The following PEBP4 variants were observed in gnomAD, a reference collection of about 807,000 sequenced individuals.
The protein encoded by PEBP4 is phosphatidylethanolamine binding protein 4, also known as phosphatidylethanolamine-binding protein 4.
PEBP4 carries 22 observed loss-of-function variants against 23.9 expected under a neutral mutation model. The ratio of observed to expected loss-of-function variants is 0.92; its 90% confidence interval spans 0.66 to 1.31. PEBP4 has a LOEUF of 1.31. Among genes scored for constraint, PEBP4 ranks in the 40% most tolerant of loss-of-function variants. PEBP4 has a pLI of 0.00. For synonymous variants in PEBP4, 112 were observed against 99.3 expected, an observed-to-expected ratio of 1.13 and a Z score of -0.76; for missense variants, 324 against 281.7, an observed-to-expected ratio of 1.15 and a Z score of -1.07.
chr8:22,927,686 G>A lies in PEBP4; in HGVS notation c.29C>T (p.Ala10Val). The A allele has an allele frequency of 1.2e-6, 2 of 1,613,950 alleles. No homozygotes were observed. The highest frequency in any genetic ancestry group is 1.6e-4 in the Middle Eastern group (1 of 6,062). The change falls in exon 2 of 7, where the codon GCA becomes GTA. Residue 10 changes from alanine (A) to valine (V), a missense_variant. Coordinates refer to ENST00000256404, the MANE Select transcript of PEBP4 (RefSeq NM_144962.3). MGWTMRLVT[A>V]ALLLGLMMVV... ...CATCATGAGACCCAGTAACAGTGCT[G>A]CTGTGACCAGCCTCATTGTCCAACC...
intron 4 of PEBP4, among the ~76,000 whole-genome samples, chr8:22,740,596 A>T (rs1804968366): frequency 6.6e-6 from 1 of 152,080 alleles, no homozygotes. Context: ...AGGGAAGGGG[A>T]CCACTCATCA....
At chr8:22,855,373 C>T (rs1390013448) in intron 3 of PEBP4, among the ~76,000 whole-genome samples, 1 of 152,126 alleles carries the variant, frequency 6.6e-6, no homozygotes, top group Admixed American at 6.5e-5. Context: ...GTAAAATCCC[C>T]CAGATGAGAT....
intron 1 of PEBP4, among the ~76,000 whole-genome samples, chr8:22,937,810 G>A (rs913869341): frequency 1.3e-5 from 2 of 152,062 alleles, no homozygotes; most frequent in African/African-American, 4.8e-5. Flanking sequence ...GTGTGTGTGT[G>A]TGTGTGTGTG....
At chr8:22,929,002 A>T (rs573256159), upstream of PEBP4, among the ~76,000 whole-genome samples, 6 of 152,268 alleles carry the variant, frequency 3.9e-5, 1 homozygote, top group South Asian at 1.2e-3. Context: ...AGGTTCTCTG[A>T]AGTACAACCA....
intron 4 of PEBP4, among the ~76,000 whole-genome samples, chr8:22,753,824 T>G (rs939114694): frequency 6.6e-6 from 1 of 152,122 alleles, no homozygotes; most frequent in Non-Finnish European, 1.5e-5. Flanking sequence ...GGGCTGGAGC[T>G]GGGAGGCAGG....
chr8:22,893,495 G>C (rs1489186184), intron 3 of PEBP4, among the ~76,000 whole-genome samples: 1 of 152,126 alleles, frequency 6.6e-6, no homozygotes, highest in Non-Finnish European at 1.5e-5. Context: ...AAATGATACA[G>C]ACAATGGAAT....
intron 4 of PEBP4, among the ~76,000 whole-genome samples, chr8:22,816,234 C>A (rs1011246433): frequency 5.3e-5 from 8 of 152,214 alleles, no homozygotes; most frequent in Admixed American, 3.9e-4. Flanking sequence ...TGTGGAGTAA[C>A]AGAGGTGGCT....
chr8:22,924,609 T>C (rs1809284299), intron 2 of PEBP4: 5 of 962,928 alleles, frequency 5.2e-6, no homozygotes, highest in Non-Finnish European at 6.2e-6. Flanking sequence ...GGTAAGAATG[T>C]ACTTTCTGAA....
intron 4 of PEBP4, among the ~76,000 whole-genome samples, chr8:22,804,338 C>T (rs1369512080): frequency 1.3e-5 from 2 of 152,068 alleles, no homozygotes; most frequent in African/African-American, 2.4e-5. Context: ...CTCCTGAAAA[C>T]AACAAAAATG....
intron 3 of PEBP4, among the ~76,000 whole-genome samples, chr8:22,899,200 C>G (rs1343445722): frequency 6.6e-6 from 1 of 152,226 alleles, no homozygotes; most frequent in African/African-American, 2.4e-5. Flanking sequence ...GCCAGCCCAG[C>G]TCTCTGGAGG....
At chr8:22,937,885 C>T (rs1358675005) in intron 1 of PEBP4, among the ~76,000 whole-genome samples, 2 of 151,814 alleles carry the variant, frequency 1.3e-5, no homozygotes, top group Non-Finnish European at 2.9e-5. Context: ...TAGCCACATG[C>T]AAAAGAATGA....
intron 3 of PEBP4, among the ~76,000 whole-genome samples, chr8:22,841,746 G>A (rs764962813): frequency 6.6e-6 from 1 of 152,362 alleles, no homozygotes; most frequent in East Asian, 1.9e-4. Flanking sequence ...CTTGGAAAAG[G>A]ATAAGAATGG....
intron 4 of PEBP4, among the ~76,000 whole-genome samples, chr8:22,735,234 A>C (rs139028194): frequency 2.0e-5 from 3 of 152,348 alleles, no homozygotes; most frequent in African/African-American, 4.8e-5. Flanking sequence ...TAAATAATTG[A>C]GGCCTAGAGG....
intron 4 of PEBP4, among the ~76,000 whole-genome samples, chr8:22,756,314 C>A (rs1459286210): frequency 6.6e-6 from 1 of 152,174 alleles, no homozygotes; most frequent in East Asian, 1.9e-4. Context: ...CAGGATGTGA[C>A]CCTCCCTGCC....
At chr8:22,804,134 A>C (rs1806445714) in intron 4 of PEBP4, among the ~76,000 whole-genome samples, 1 of 152,162 alleles carries the variant, frequency 6.6e-6, no homozygotes, top group Non-Finnish European at 1.5e-5. Context: ...GTTCAAGAGC[A>C]ACCTGGGCAA....
intron 4 of PEBP4, among the ~76,000 whole-genome samples, chr8:22,811,674 CAGG>C (rs1806631134): frequency 6.6e-6 from 1 of 152,194 alleles, no homozygotes; most frequent in African/African-American, 2.4e-5. Flanking sequence ...TGCTCTGGTT[CAGG>C]AGGTCACAGG....
intron 4 of PEBP4, among the ~76,000 whole-genome samples, chr8:22,728,749 C>A (rs147225162): frequency 2.6e-4 from 39 of 152,150 alleles, no homozygotes; most frequent in African/African-American, 9.2e-4. Flanking sequence ...AGGTGCCCAC[C>A]ACCACGCCTG....
chr8:22,897,719 T>C (rs1300692286), intron 3 of PEBP4: 1 of 152,156 alleles, frequency 6.6e-6, no homozygotes, highest in African/African-American at 2.4e-5. Flanking sequence ...ACACTCACCA[T>C]GTCCAGATCA....
intron 3 of PEBP4, among the ~76,000 whole-genome samples, chr8:22,842,000 A>G (rs1423307867): frequency 6.6e-6 from 1 of 152,256 alleles, no homozygotes; most frequent in African/African-American, 2.4e-5. Context: ...AGGACAGAAG[A>G]AGGAGACGAG....
Sources: gnomAD v4.1 joint callset for allele counts (sites outside exome capture counted in the v4.1 genomes callset) on GRCh38, gnomAD v4.1.1 for gene constraint, MANE v1.5 for transcripts, NCBI Gene and HGNC (gene_info 2026-07-23, HGNC 2026-07-21) for gene names.